RAD17: variants seen among roughly 807,000 people sequenced by gnomAD.
RAD17 encodes cell cycle checkpoint protein RAD17.
RAD17 carries 31 observed loss-of-function variants against 81.5 expected under a neutral mutation model. The ratio of observed to expected loss-of-function variants is 0.38; its 90% CI spans 0.29 to 0.51. RAD17 has a LOEUF of 0.51. RAD17 is among the 20% of genes least tolerant of loss of function. The pLI, the probability that RAD17 is intolerant of heterozygous loss-of-function variation, is 0.88. For synonymous variants in RAD17, 261 were observed against 266.2 expected (o/e 0.98, Z 0.19); for missense variants, 681 against 781.2 (o/e 0.87, Z 1.53).
chr5:69,390,952 CAA>C (rs66906488), intron 12 of RAD17, among the ~76,000 whole-genome samples: 97 of 142,808 alleles, frequency 6.8e-4, no homozygotes, highest in Non-Finnish European at 8.5e-4. Flanking sequence ...GACCCTGTGT[CAA>C]AAAAAAAAAA....
chr5:69,371,731 C>G (rs1448480794), intron 3 of RAD17, among the ~76,000 whole-genome samples, 174 bp downstream of exon 3: 1 of 152,078 alleles, frequency 6.6e-6, no homozygotes, highest in Non-Finnish European at 1.5e-5. Context: ...TCTAAAAGCA[C>G]AACCTTAATT....
intron 2 of RAD17, 45 bp downstream of exon 2, chr5:69,371,216 TA>T (rs1762955806): frequency 7.6e-6 from 4 of 526,830 alleles, no homozygotes; most frequent in Non-Finnish European, 1.4e-5. Context: ...TTTTTTCTAA[TA>T]CATCATTGAG....
intron 6 of RAD17, among the ~76,000 whole-genome samples, chr5:69,378,681 G>A (rs951872368): frequency 6.6e-6 from 1 of 152,144 alleles, no homozygotes; most frequent in Non-Finnish European, 1.5e-5. Context: ...TTGTATATGT[G>A]TTTTTATTTA....
chr5:69,370,518 T>G (rs186917665), intron 1 of RAD17, among the ~76,000 whole-genome samples: 7 of 152,294 alleles, frequency 4.6e-5, no homozygotes, highest in Admixed American at 4.6e-4. Context: ...TTTTGCATTT[T>G]TAATAGAGAC....
chr5:69,378,198 G>A lies in RAD17; in HGVS notation c.351+3487G>A, dbSNP rs1763634178. Among the ~76,000 whole-genome samples, 3 of 152,112 alleles carry A rather than the reference G, an allele frequency of 2.0e-5. No individual in the cohort carries two copies. The South Asian group carries it at 6.2e-4, about 32-fold the overall frequency. ...TTGGTAAGATCTAGATTTATCAATG[G>A]GCAAACGAAATTTACTTTTCAAAAT... On this transcript the variant is annotated intron_variant, in intron 6 of 18. Coordinates refer to ENST00000354868, the MANE Select transcript of RAD17 (RefSeq NM_133338.3).
chr5:69,392,964 T>C (rs190404608), intron 13 of RAD17, 191 bp from the exon 14 acceptor site: 124 of 533,392 alleles, frequency 2.3e-4, no homozygotes, highest in Non-Finnish European at 3.9e-4. Flanking sequence ...ATCAGAATTG[T>C]TAATTTAGTT....
chr5:69,384,777 G>T lies in RAD17; in HGVS notation c.509-20G>T. ...TATATCATTTGTTGAAAATAAAAGT[G>T]GTTATGTGTTTCCTTTCAGAATCAA... On this transcript the variant is annotated intron_variant, in intron 7 of 18. Transcript: ENST00000354868. 1 of 1,587,972 alleles carries T rather than the reference G, an allele frequency of 6.3e-7. No individual in the cohort carries two copies. The highest frequency in any genetic ancestry group is 1.1e-5 in the South Asian group (1 of 87,834).
At chr5:69,410,965 CTATATATA>C (rs1554044686) in intron 18 of RAD17, among the ~76,000 whole-genome samples, 1 of 90,250 alleles carries the variant, frequency 1.1e-5, no homozygotes. Flanking sequence ...AGATGTCTGT[CTATATATA>C]TATATATATA....
At chr5:69,370,139 G>A (rs1369655332) in intron 1 of RAD17, 2 of 187,706 alleles carry the variant, frequency 1.1e-5, no homozygotes, top group Admixed American at 1.2e-4. Flanking sequence ...ACAGGATTAC[G>A]TTGGACGAAT....
rs201516703 is a variant in RAD17 at position 69,410,581 on chromosome 5, T to C, written c.1751+31T>C. 1.6e-5 allele frequency: 26 copies of C among 1,594,864 alleles called. No homozygotes were observed. The East Asian group carries it at 5.4e-4, about 33-fold the overall frequency. ...CTGATCATCTCAATTTCCAAAAAGC[T>C]GATAATGAAATGTCTACTGAATATG... On this transcript the variant is annotated intron_variant, in intron 18 of 18. Coordinates refer to ENST00000354868, the MANE Select transcript of RAD17 (RefSeq NM_133338.3).
Position 69,372,153 on chromosome 5 carries a change from A to G in RAD17, c.-56A>G. 1.3e-6 allele frequency: 2 copies of G among 1,580,258 alleles called. No homozygotes were observed. Among genetic ancestry groups the G allele is most frequent in the South Asian group, 1.2e-5 (1 of 85,968 alleles). On this transcript the variant is annotated 5_prime_UTR_variant, in exon 4 of 19. It adds an upstream start codon to the 5' untranslated region. Coordinates refer to ENST00000354868, the MANE Select transcript of RAD17 (RefSeq NM_133338.3). ...AAGATATTTTCATACTCTCAAAAAT[A>G]TAGAGGAAAGGGGCCAAGATTATAG...
At chr5:69,372,323 G>A (rs900381286) in intron 4 of RAD17, 106 bp downstream of exon 4, 16 of 1,093,118 alleles carry the variant, frequency 1.5e-5, no homozygotes, top group East Asian at 1.5e-4. Flanking sequence ...CTTAGCATTC[G>A]TAAAGTATTT....
intron 6 of RAD17, among the ~76,000 whole-genome samples, chr5:69,375,820 A>G (rs181634744): frequency 4.2e-4 from 64 of 150,660 alleles, no homozygotes; most frequent in Non-Finnish European, 7.8e-4. Context: ...TGGCTGTTAT[A>G]TATCTTAGGC....
chr5:69,400,232 T>A (rs199726974), intron 17 of RAD17, 63 bp downstream of exon 17: 8 of 193,380 alleles, frequency 4.1e-5, no homozygotes, highest in East Asian at 1.9e-4. Flanking sequence ...TTATTTATTT[T>A]ATTTTTTTAG....
chr5:69,383,227 T>C (rs1000015360), intron 7 of RAD17, among the ~76,000 whole-genome samples: 12 of 152,148 alleles, frequency 7.9e-5, no homozygotes, highest in African/African-American at 2.7e-4. Flanking sequence ...CTAGGCCATT[T>C]TGAAGGGAAA....
intron 17 of RAD17, among the ~76,000 whole-genome samples, chr5:69,409,653 T>C (rs1765844223): frequency 6.6e-6 from 1 of 152,212 alleles, no homozygotes; most frequent in African/African-American, 2.4e-5. Context: ...ACTATGTCAT[T>C]CTTTTTCTTT....
chr5:69,377,729 T>TGAAATAC (rs1214329527), intron 6 of RAD17, among the ~76,000 whole-genome samples: 4 of 126,940 alleles, frequency 3.2e-5, no homozygotes, highest in Admixed American at 1.7e-4. Flanking sequence ...GTATTTTCTT[T>TGAAATAC]ATGGTTTCAA....
Position 69,391,917 on chromosome 5 carries a change from G to T in RAD17, c.1093G>T (p.Asp365Tyr). 6.3e-7 allele frequency: 1 copy of T among 1,596,180 alleles called. No individual in the cohort carries two copies. Among genetic ancestry groups the T allele is most frequent in the African/African-American group, 1.4e-5 (1 of 73,642 alleles). The change falls in exon 13 of 19, where the codon GAT (aspartate) becomes TAT (tyrosine). Residue 365 changes from aspartate to tyrosine, a missense_variant. Physicochemically the swap from Asp to Tyr is radical, Grantham distance 160. Coordinates refer to ENST00000354868, the MANE Select transcript of RAD17 (RefSeq NM_133338.3). The stretch of plus-strand genomic sequence containing the variant: ...AAAATCAAAACGAAGAAAAAAACCT[G>T]ATAGGGTTTTTGAAAATCAAGAGGT... ...LSKSKRRKKP[D>Y]RVFENQEVQA...
intron 17 of RAD17, 48 bp downstream of exon 17, chr5:69,400,217 T>TTTATTTAC: frequency 1.7e-6 from 2 of 1,170,452 alleles, no homozygotes; most frequent in Non-Finnish European, 2.2e-6. Context: ...GGTTTATTTA[T>TTTATTTAC]TTATTTATTT....
Sources: gnomAD v4.1 joint callset for allele counts (sites outside exome capture counted in the v4.1 genomes callset) on GRCh38, gnomAD v4.1.1 for gene constraint, MANE v1.5 for transcripts, NCBI Gene and HGNC (gene_info 2026-07-23, HGNC 2026-07-21) for gene names.